SLC24A2: variants seen among roughly 807,000 people sequenced by gnomAD.
The protein encoded by SLC24A2 is sodium/potassium/calcium exchanger 2.
A neutral mutation model predicts 62.0 loss-of-function variants in SLC24A2; 36 were observed. That is an observed-to-expected ratio of 0.58 (90% CI 0.44 to 0.77). The LOEUF is 0.77. Ranked by LOEUF, SLC24A2 falls within the 30% of genes least tolerant of loss-of-function variation. The probability of loss-of-function intolerance (pLI) is 0.00; values close to 1 mark genes in which losing one functional copy is unlikely to be tolerated. For missense variants in SLC24A2, 846 were observed against 817.9 expected, an observed-to-expected ratio of 1.03 and a Z score of -0.42; for synonymous variants, 358 against 294.0, an observed-to-expected ratio of 1.22 and a Z score of -2.23.
At chr9:19,836,729 G>A in the SLC24A2 span, among the ~76,000 whole-genome samples, 1 of 152,174 alleles carries the variant, frequency 6.6e-6, no homozygotes, top group South Asian at 2.1e-4. Context: ...CTCATTTTAT[G>A]AGGCCAGCAT....
chr9:19,616,457 G>A (rs1733459779), intron 4 of SLC24A2, among the ~76,000 whole-genome samples: 1 of 152,210 alleles, frequency 6.6e-6, no homozygotes, highest in Non-Finnish European at 1.5e-5. Flanking sequence ...CCAGAGTCTG[G>A]TTCGGGAGTC....
At chr9:19,853,874 G>A in the SLC24A2 span, among the ~76,000 whole-genome samples, 1 of 152,170 alleles carries the variant, frequency 6.6e-6, no homozygotes, top group Admixed American at 6.6e-5. Flanking sequence ...AGTTTCAGAG[G>A]AAATGGTATC....
chr9:19,831,359 T>G, the SLC24A2 span, among the ~76,000 whole-genome samples: 1 of 152,212 alleles, frequency 6.6e-6, no homozygotes, highest in Admixed American at 6.5e-5. Context: ...TAAAGTCCAC[T>G]GTTTTTTATA....
At chr9:19,686,052 G>A (rs1220732426) in intron 2 of SLC24A2, among the ~76,000 whole-genome samples, 1 of 151,884 alleles carries the variant, frequency 6.6e-6, no homozygotes, top group African/African-American at 2.4e-5. Context: ...AATCTATAAG[G>A]AACTTAAATT....
At chr9:20,051,067 G>A in the SLC24A2 span, among the ~76,000 whole-genome samples, 2 of 151,908 alleles carry the variant, frequency 1.3e-5, no homozygotes, top group African/African-American at 2.4e-5. Flanking sequence ...TGAACTAAAC[G>A]TACCAGCTAA....
At chr9:19,887,621 A>C in the SLC24A2 span, among the ~76,000 whole-genome samples, 1 of 152,308 alleles carries the variant, frequency 6.6e-6, no homozygotes, top group Admixed American at 6.5e-5. Context: ...AACTAGTGCA[A>C]CCACTATGGA....
intron 2 of SLC24A2, among the ~76,000 whole-genome samples, chr9:19,720,770 T>G (rs1287099609): frequency 6.7e-6 from 1 of 149,386 alleles, no homozygotes; most frequent in African/African-American, 2.4e-5. Flanking sequence ...AACAAACACT[T>G]AAATAGAAAC....
the SLC24A2 span, among the ~76,000 whole-genome samples, chr9:20,112,305 A>G: frequency 3.9e-5 from 6 of 152,220 alleles, no homozygotes; most frequent in East Asian, 9.6e-4. Context: ...AGCAAGGCCG[A>G]ATCTGCAGGA....
the SLC24A2 span, among the ~76,000 whole-genome samples, chr9:20,010,744 C>G: frequency 6.7e-6 from 1 of 149,376 alleles, no homozygotes; most frequent in Non-Finnish European, 1.5e-5. Flanking sequence ...TATCTCCTAA[C>G]GCTATCCCTC....
chr9:20,280,278 T>A, the SLC24A2 span, among the ~76,000 whole-genome samples: 2 of 152,244 alleles, frequency 1.3e-5, no homozygotes, highest in Admixed American at 1.3e-4. Flanking sequence ...GAGGTGGTCC[T>A]ATCTTCAGGC....
the SLC24A2 span, among the ~76,000 whole-genome samples, chr9:20,155,112 G>A: frequency 4.8e-5 from 7 of 146,612 alleles, no homozygotes; most frequent in African/African-American, 1.8e-4. Flanking sequence ...AACACAGGCT[G>A]TGGTCTCTGC....
intron 8 of SLC24A2, among the ~76,000 whole-genome samples, chr9:19,535,086 G>C (rs566836539): frequency 1.3e-5 from 2 of 152,198 alleles, no homozygotes; most frequent in Admixed American, 1.3e-4. Context: ...TTGTGGTTTT[G>C]ATTTGCATTT....
chr9:19,593,922 A>T (rs1836629728), intron 5 of SLC24A2, among the ~76,000 whole-genome samples: 1 of 152,138 alleles, frequency 6.6e-6, no homozygotes, highest in African/African-American at 2.4e-5. Flanking sequence ...TTTTATGATC[A>T]TTATGATAGA....
At chr9:19,959,032 C>A in the SLC24A2 span, among the ~76,000 whole-genome samples, 1 of 152,178 alleles carries the variant, frequency 6.6e-6, no homozygotes, top group East Asian at 1.9e-4. Flanking sequence ...AACCAGTGTT[C>A]TGGTGTTCTA....
the SLC24A2 span, among the ~76,000 whole-genome samples, chr9:20,036,694 C>A: frequency 6.6e-6 from 1 of 152,232 alleles, no homozygotes; most frequent in East Asian, 1.9e-4. Flanking sequence ...GAATAGAATT[C>A]CATTGTGTAT....
the SLC24A2 span, among the ~76,000 whole-genome samples, chr9:20,155,660 A>G: frequency 0.053 from 8,048 of 151,918 alleles, 666 homozygotes; most frequent in African/African-American, 0.18. Flanking sequence ...TGGAAAGAAA[A>G]TTAAGCAAAA....
At chr9:20,232,937 G>A in the SLC24A2 span, among the ~76,000 whole-genome samples, 2,140 of 152,146 alleles carry the variant, frequency 0.014, 31 homozygotes, top group Non-Finnish European at 0.019. Flanking sequence ...CTTTGTTCTC[G>A]TTGGTTTCAA....
At position 19,788,930 on chromosome 9, in the gene SLC24A2, G is replaced by T. The variant is rs987185339; in HGVS notation, c.-199C>A. 6 of 985,150 alleles carry T rather than the reference G, an allele frequency of 6.1e-6. No individual in the cohort carries two copies. The highest frequency in any genetic ancestry group is 4.8e-6 in the Non-Finnish European group (4 of 829,688). The allele number at this position is 985,150 out of a possible 1,614,324, so 61.0% of individuals were successfully genotyped here. A position where few individuals can be genotyped will look rare whatever the true frequency, so the allele number is the denominator to read the frequency against. ...CGCACACGGCGGGGCCCCCGAGCGCGGCCCGCCGCTCCAGTCCGCCGGCCC... is the reference window on the plus strand; with the variant it reads ...CGCACACGGCGGGGCCCCCGAGCGCTGCCCGCCGCTCCAGTCCGCCGGCCC... On this transcript the variant is annotated 5_prime_UTR_variant, in exon 1 of 11. Transcript: ENST00000341998.
chr9:19,632,121 A>T lies in SLC24A2; in HGVS notation c.931-9822T>A, dbSNP rs1564007340. 6.6e-6 allele frequency among the ~76,000 whole-genome samples: 1 copy of T among 152,186 alleles called. No individual in the cohort carries two copies. The highest frequency in any genetic ancestry group is 1.5e-5 in the Non-Finnish European group (1 of 68,030). On this transcript the variant is annotated intron_variant, in intron 2 of 10. Transcript: ENST00000341998. This position sits in a 1 kb window ranked among gnomAD's most constrained non-coding sequence, Gnocchi z 4.5. ...TTGACATGAGGACAGTTACCTTCTC[A>T]ATTGTCCCTGGGGCTGATGCAGTTT...
Sources: allele counts gnomAD v4.1 joint callset (sites outside exome capture counted in the v4.1 genomes callset), GRCh38; gene constraint gnomAD v4.1.1; non-coding constraint Gnocchi (gnomAD v3.1); transcripts MANE v1.5; gene names NCBI Gene and HGNC (gene_info 2026-07-23, HGNC 2026-07-21).